The following PGPEP1L variants were observed in gnomAD, a reference collection of about 807,000 sequenced individuals.
PGPEP1L encodes pyroglutamyl-peptidase 1-like protein.
A neutral mutation model predicts 6.0 loss-of-function variants in PGPEP1L; 7 were observed. The observed-to-expected ratio is 1.17, with a 90% CI of 0.66 to 2.19. PGPEP1L has a LOEUF of 2.19. PGPEP1L is among the 30% of genes most tolerant of loss of function. The probability of loss-of-function intolerance (pLI) is 0.00; values close to 1 mark genes in which losing one functional copy is unlikely to be tolerated. For synonymous variants in PGPEP1L, 103 were observed against 83.9 expected, an observed-to-expected ratio of 1.23 and a Z score of -1.24; for missense variants, 209 against 192.5, an observed-to-expected ratio of 1.09 and a Z score of -0.51.
chr15:98,969,459 C>T lies in PGPEP1L; in HGVS notation c.175G>A (p.Gly59Ser). Reference protein sequence around the residue: ...KAVCKRVAVEGVDVIFSRDAG... With the variant: ...KAVCKRVAVESVDVIFSRDAG... ...TCTCGGGAAAAGATCACGTCGACACCCTCCACAGCTACGCGCTTGCAGACT... is the reference window on the plus strand; with the variant it reads ...TCTCGGGAAAAGATCACGTCGACACTCTCCACAGCTACGCGCTTGCAGACT... Residue 59 changes from glycine (G) to serine (S), a missense_variant, in exon 4 of 5, where the codon GGT (glycine) becomes AGT (serine). Physicochemically the swap from Gly to Ser is moderately conservative, Grantham distance 56 (BLOSUM62 0). Coordinates refer to ENST00000535714, the MANE Select transcript of PGPEP1L (RefSeq NM_001167902.2). 6.2e-7 allele frequency: 1 copy of T among 1,614,010 alleles called. No homozygotes were observed. Among genetic ancestry groups the T allele is most frequent in the Non-Finnish European group, 8.5e-7 (1 of 1,179,910 alleles).
chr15:98,975,179 A>G (rs564340697), intron 2 of PGPEP1L, among the ~76,000 whole-genome samples: 1 of 152,244 alleles, frequency 6.6e-6, no homozygotes, highest in African/African-American at 2.4e-5. Flanking sequence ...AGCAACATGG[A>G]TAGAACTGGA....
chr15:99,004,275 G>A (rs1389860467), intron 2 of PGPEP1L, among the ~76,000 whole-genome samples: 2 of 152,034 alleles, frequency 1.3e-5, no homozygotes, highest in African/African-American at 4.8e-5. Flanking sequence ...GGGGTGTGGT[G>A]GTGAGTGCCT....
chr15:99,006,126 G>A (rs1271244708), intron 1 of PGPEP1L, among the ~76,000 whole-genome samples: 1 of 152,186 alleles, frequency 6.6e-6, no homozygotes, highest in African/African-American at 2.4e-5. Context: ...TAGGAGCTGT[G>A]GGTCCTCAGG....
rs568263184 is a variant in PGPEP1L, at chr15:98,995,918, C to A, written c.-142+9511G>T. Among the ~76,000 whole-genome samples the A allele has an allele frequency of 1.6e-4, 24 of 152,280 alleles. No individual in the cohort carries two copies. The Middle Eastern group carries it at 0.01, about 65-fold the overall frequency. On this transcript the variant is annotated intron_variant, in intron 2 of 4. Coordinates refer to ENST00000535714, the MANE Select transcript of PGPEP1L (RefSeq NM_001167902.2). Reference sequence around the variant, plus strand: ...ATCTGGACAATCATGTAAGTAGAATCTTACCATATGTAGTCTTTTGTGACT... The same window carrying A: ...ATCTGGACAATCATGTAAGTAGAATATTACCATATGTAGTCTTTTGTGACT...
chr15:98,980,008 T>C (rs528956066), intron 2 of PGPEP1L, among the ~76,000 whole-genome samples: 52 of 152,180 alleles, frequency 3.4e-4, no homozygotes, highest in Middle Eastern at 3.4e-3. Flanking sequence ...ATAAGAATGA[T>C]ACAATGGACA....
intron 2 of PGPEP1L, among the ~76,000 whole-genome samples, chr15:98,990,777 T>A (rs1330086955): frequency 6.6e-6 from 1 of 152,158 alleles, no homozygotes; most frequent in Non-Finnish European, 1.5e-5. Flanking sequence ...CAGACCACAA[T>A]GCAATCAAAT....
chr15:98,982,308 G>A (rs2017676104), intron 2 of PGPEP1L, among the ~76,000 whole-genome samples: 1 of 152,166 alleles, frequency 6.6e-6, no homozygotes, highest in Admixed American at 6.5e-5. Context: ...TGAGAGCACA[G>A]GCTCTTTGCC....
chr15:98,981,456 C>G lies in PGPEP1L; in HGVS notation c.-141-10298G>C, dbSNP rs1340470776. On this transcript the variant is annotated intron_variant, in intron 2 of 4. Transcript: ENST00000535714. ...AGTGAGCCGAGATCGCACCACTGCACTCCAGCCTGGGCAACAGAGCAAGAC... is the reference window on the plus strand; with the variant it reads ...AGTGAGCCGAGATCGCACCACTGCAGTCCAGCCTGGGCAACAGAGCAAGAC... Among the ~76,000 whole-genome samples, 43 of 149,206 alleles carry G rather than the reference C, an allele frequency of 2.9e-4. 2 individuals carry two copies. The highest frequency in any genetic ancestry group is 2.8e-3 in the Admixed American group (41 of 14,878).
intron 3 of PGPEP1L, among the ~76,000 whole-genome samples, chr15:98,970,055 A>C (rs2017471614): frequency 6.6e-6 from 1 of 151,794 alleles, no homozygotes; most frequent in South Asian, 2.1e-4. Context: ...TTATGTATTT[A>C]TTTATTTTTA....
rs61743649 is a variant in PGPEP1L, at chr15:98,969,592, G to T, written c.42C>A (p.Gly14=). Residue 14 remains glycine, a synonymous_variant, in exon 4 of 5, where the codon GGC becomes GGA. Transcript: ENST00000535714. ...AAKAIILEQS[G]KNQGYRDADI... ...CGGCGTCCCGGTAGCCTTGGTTCTT[G>T]CCAGACTGTTCCAGAATGATCGCCT... 3 of 1,613,572 alleles carry T rather than the reference G, an allele frequency of 1.9e-6. No individual in the cohort carries two copies. In the African/African-American group the frequency reaches 4.0e-5, roughly 22 times the overall value.
At chr15:98,976,648 A>G (rs4966050) in intron 2 of PGPEP1L, among the ~76,000 whole-genome samples, 131,530 of 152,182 alleles carry the variant, frequency 0.86, 57,754 homozygotes, top group South Asian at 0.94. Context: ...GGAACAGAAG[A>G]GGCAAGGAGG....
At chr15:98,976,280 C>A (rs1351418844) in intron 2 of PGPEP1L, among the ~76,000 whole-genome samples, 4 of 152,170 alleles carry the variant, frequency 2.6e-5, no homozygotes, top group African/African-American at 7.2e-5. Context: ...ATGGCTTTCA[C>A]CATCACCAAC....
At chr15:98,976,419 T>C (rs1365795202) in intron 2 of PGPEP1L, among the ~76,000 whole-genome samples, 1 of 152,236 alleles carries the variant, frequency 6.6e-6, no homozygotes, top group African/African-American at 2.4e-5. Context: ...CTCTTTTCCA[T>C]ATCTGAAAGC....
In PGPEP1L at chr15:98,971,199, G is replaced by A. The variant is rs769629747; in HGVS notation, c.-141-41C>T. 92 of 325,492 alleles carry A rather than the reference G, an allele frequency of 2.8e-4. 3 individuals carry two copies. The highest frequency in any genetic ancestry group is 1.1e-3 in the South Asian group (28 of 25,664). 20.2% of individuals were successfully genotyped at this position (325,492 alleles called of 1,614,324 possible). A position where few individuals can be genotyped will look rare whatever the true frequency, so the allele number is the denominator to read the frequency against. ...GGTGGACTTGCCTCAGTTGATGGGGGGGGGGGGGGGGTGGGCACCAAGAGT... is the reference window on the plus strand; with the variant it reads ...GGTGGACTTGCCTCAGTTGATGGGGAGGGGGGGGGGGTGGGCACCAAGAGT... On this transcript the variant is annotated intron_variant, in intron 2 of 4. Transcript: ENST00000535714.
intron 2 of PGPEP1L, among the ~76,000 whole-genome samples, chr15:98,980,544 T>C (rs1324482644): frequency 6.6e-6 from 1 of 152,212 alleles, no homozygotes; most frequent in East Asian, 1.9e-4. Flanking sequence ...GTAACTCCTC[T>C]ACCCTGAAGC....
chr15:98,974,598 C>T lies in PGPEP1L; in HGVS notation c.-141-3440G>A, dbSNP rs1373085480. 2.6e-5 allele frequency among the ~76,000 whole-genome samples: 4 copies of T among 151,970 alleles called. No individual in the cohort carries two copies. The East Asian group carries it at 7.8e-4, about 30-fold the overall frequency. On this transcript the variant is annotated intron_variant, in intron 2 of 4. Coordinates refer to ENST00000535714, the MANE Select transcript of PGPEP1L (RefSeq NM_001167902.2). Reference sequence around the variant, plus strand: ...CTGATACCAATTCTACTCAACTATTCTAAAAAATTAATGAGGGGCCGGGCG... The same window carrying T: ...CTGATACCAATTCTACTCAACTATTTTAAAAAATTAATGAGGGGCCGGGCG...
At chr15:98,995,970 A>C (rs140431027) in intron 2 of PGPEP1L, among the ~76,000 whole-genome samples, 1 of 152,242 alleles carries the variant, frequency 6.6e-6, no homozygotes, top group East Asian at 1.9e-4. Context: ...CGTAATTCTA[A>C]CCTGCCTTTT....
intron 2 of PGPEP1L, among the ~76,000 whole-genome samples, chr15:98,991,351 A>G (rs951380562): frequency 6.6e-6 from 1 of 152,240 alleles, no homozygotes; most frequent in Non-Finnish European, 1.5e-5. Context: ...TAAACTAGAA[A>G]ATATAGAAGA....
At position 98,969,319 on chromosome 15, in the gene PGPEP1L, A is replaced by C. The variant is rs2017454112; in HGVS notation, c.209+106T>G. 4.2e-6 allele frequency: 6 copies of C among 1,425,272 alleles called. No individual in the cohort carries two copies. The South Asian group carries it at 6.0e-5, about 14-fold the overall frequency. 88.3% of individuals were successfully genotyped at this position (1,425,272 alleles called of 1,614,324 possible). A position where few individuals can be genotyped will look rare whatever the true frequency, so the allele number is the denominator to read the frequency against. Reference sequence around the variant, plus strand: ...ATCTGGGGGCGGCACCGCATGGCCAAGTGGCCAGCTGGACGATACAGGATG... The same window carrying C: ...ATCTGGGGGCGGCACCGCATGGCCACGTGGCCAGCTGGACGATACAGGATG... On this transcript the variant is annotated intron_variant, in intron 4 of 4. Transcript: ENST00000535714.
Sources: allele counts gnomAD v4.1 joint callset (sites outside exome capture counted in the v4.1 genomes callset), GRCh38; gene constraint gnomAD v4.1.1; transcripts MANE v1.5; gene names NCBI Gene and HGNC (gene_info 2026-07-23, HGNC 2026-07-21).